The following RPS17 variants were observed in gnomAD, a reference collection of about 807,000 sequenced individuals.
RPS17 encodes small ribosomal subunit protein eS17.
For synonymous variants in RPS17, 75 were observed against 65.6 expected (o/e 1.14, Z -0.70); for missense variants, 68 against 182.3 (o/e 0.37, Z 3.61).
chr15:82,536,862 T>C lies in RPS17; in HGVS notation c.347A>G (p.Asn116Ser), dbSNP rs2034248127. The C allele has an allele frequency of 1.2e-6, 2 of 1,613,778 alleles. No individual in the cohort carries two copies. Among genetic ancestry groups the C allele is most frequent in the Admixed American group, 1.7e-5 (1 of 59,988 alleles). The change falls in exon 5 of 5, where the codon AAC (asparagine) becomes AGC (serine). Residue 116 changes from asparagine to serine, a missense_variant. Asn to Ser is a conservative substitution (Grantham distance 46). Transcript: ENST00000647841. ...AACTGTAGGCTGAGTGACCTGAAGG[T>C]TGGACAGACTGCCGAAGTCCTGGAA... The part of the protein sequence containing the change: ...LKLLDFGSLS[N>S]LQVTQPTVGM...
chr15:82,538,792 GA>G (rs1169353755), intron 3 of RPS17, 87 bp downstream of exon 3: 8 of 1,373,790 alleles, frequency 5.8e-6, no homozygotes, highest in Non-Finnish European at 7.3e-6. Flanking sequence ...AAAGGTCTCA[GA>G]TTCAGCTGAG....
At chr15:82,537,847 A>G (rs2034267612) in intron 4 of RPS17, 1 of 455,922 alleles carries the variant, frequency 2.2e-6, no homozygotes, top group Non-Finnish European at 4.4e-6. Flanking sequence ...CAAAAGGACT[A>G]AGATAAGCCA....
In RPS17 at chr15:82,540,457, C is replaced by T. The variant is rs762051874; in HGVS notation, c.-29G>A. On this transcript the variant is annotated 5_prime_UTR_variant, in exon 1 of 5. Transcript: ENST00000647841. ...GGCGGGTCCTTGGTAAAAGAGGAAACAGGAAGCACAGGCGAAGCCTGTTAA... is the reference window on the plus strand; with the variant it reads ...GGCGGGTCCTTGGTAAAAGAGGAAATAGGAAGCACAGGCGAAGCCTGTTAA... 3.8e-6 allele frequency: 6 copies of T among 1,586,064 alleles called. No homozygotes were observed. Among genetic ancestry groups the T allele is most frequent in the Middle Eastern group, 1.7e-4 (1 of 6,030 alleles).
intron 4 of RPS17, 84 bp from the exon 5 acceptor site, chr15:82,536,965 C>T: frequency 6.5e-7 from 1 of 1,537,682 alleles, no homozygotes; most frequent in Non-Finnish European, 9.0e-7. Flanking sequence ...CCCCTAGAGC[C>T]ACAGCACTCT....
chr15:82,538,204 T>A, intron 4 of RPS17, 102 bp downstream of exon 4: 2 of 1,301,736 alleles, frequency 1.5e-6, no homozygotes, highest in Non-Finnish European at 1.1e-6. Flanking sequence ...TAGATGGGAT[T>A]CCCAACTCTG....
intron 4 of RPS17, 171 bp from the exon 5 acceptor site, chr15:82,537,052 G>A (rs2034252272): frequency 1.4e-6 from 1 of 724,764 alleles, no homozygotes; most frequent in Non-Finnish European, 2.5e-6. Flanking sequence ...TTTCCAGAGT[G>A]ATCTTCCTTC....
chr15:82,538,524 G>T, intron 3 of RPS17, 153 bp from the exon 4 acceptor site: 2 of 836,330 alleles, frequency 2.4e-6, no homozygotes, highest in South Asian at 2.9e-5. Flanking sequence ...CAGTATTACA[G>T]ACCCCGATGA....
At chr15:82,537,093 T>G in intron 4 of RPS17, 1 of 650,970 alleles carries the variant, frequency 1.5e-6, no homozygotes. Flanking sequence ...GTATCCCCAT[T>G]TACAACTCTA....
chr15:82,540,280 A>C, intron 1 of RPS17, 146 bp downstream of exon 1: 1 of 1,596,854 alleles, frequency 6.3e-7, no homozygotes. Context: ...GCCGGGCTTA[A>C]TGCGGAAGCC....
At chr15:82,538,459 G>A in intron 3 of RPS17, 88 bp from the exon 4 acceptor site, 1 of 1,421,414 alleles carries the variant, frequency 7.0e-7, no homozygotes, top group African/African-American at 1.4e-5. Context: ...CTTAAATATG[G>A]GGAAGAGGAG....
intron 4 of RPS17, chr15:82,538,046 T>C: frequency 1.9e-6 from 1 of 535,064 alleles, no homozygotes; most frequent in Non-Finnish European, 3.7e-6. Context: ...AAGCCAGCTA[T>C]AAAACCAAGA....
intron 1 of RPS17, 43 bp from the exon 2 acceptor site, chr15:82,540,175 C>T (rs1482722157): frequency 3.7e-6 from 6 of 1,613,430 alleles, no homozygotes; most frequent in Non-Finnish European, 5.1e-6. Context: ...CCAGCGCAAC[C>T]TTCTGGGAAG....
chr15:82,538,253 C>T, intron 4 of RPS17, 53 bp downstream of exon 4: 1 of 1,596,960 alleles, frequency 6.3e-7, no homozygotes, highest in Non-Finnish European at 8.6e-7. Flanking sequence ...ATAAGACCTA[C>T]TGATGGTTTT....
chr15:82,538,764 T>G (rs907532570), intron 3 of RPS17, 116 bp downstream of exon 3: 3 of 1,116,630 alleles, frequency 2.7e-6, no homozygotes, highest in Non-Finnish European at 4.1e-6. Flanking sequence ...CCACAGCTGG[T>G]TATGGAATGT....
At chr15:82,539,046 T>C (rs1243135798) in intron 2 of RPS17, 61 bp from the exon 3 acceptor site, 1 of 1,500,336 alleles carries the variant, frequency 6.7e-7, no homozygotes, top group Non-Finnish European at 9.3e-7. Context: ...CACCTGGTAC[T>C]GAGCACATGT....
At chr15:82,538,024 AG>A (rs2034271083) in intron 4 of RPS17, 1 of 503,324 alleles carries the variant, frequency 2.0e-6, no homozygotes. Context: ...GCTGACACAA[AG>A]GGGGCAACGT....
chr15:82,538,792 G>T, intron 3 of RPS17, 88 bp downstream of exon 3: 1 of 1,373,788 alleles, frequency 7.3e-7, no homozygotes, highest in Non-Finnish European at 1.0e-6. Context: ...AAAGGTCTCA[G>T]ATTCAGCTGA....
intron 2 of RPS17, chr15:82,539,762 C>T: frequency 1.3e-6 from 1 of 742,200 alleles, no homozygotes; most frequent in Non-Finnish European, 2.3e-6. Context: ...AGAGGTCTGA[C>T]GGTGGCTACC....
At chr15:82,540,249 C>A (rs1235380087) in intron 1 of RPS17, 117 bp from the exon 2 acceptor site, 2 of 1,606,016 alleles carry the variant, frequency 1.2e-6, no homozygotes, top group Non-Finnish European at 1.7e-6. Context: ...CCGGAGAGGG[C>A]CCGGCTAAAC....
Sources: allele counts gnomAD v4.1 joint callset, GRCh38; gene constraint gnomAD v4.1.1; transcripts MANE v1.5; gene names NCBI Gene and HGNC (gene_info 2026-07-23, HGNC 2026-07-21).